The following DOCK7 variants were observed in gnomAD, a reference collection of about 807,000 sequenced individuals.
DOCK7 encodes dedicator of cytokinesis protein 7.
Under a neutral mutation model 271.0 loss-of-function variants are expected in DOCK7, and 138 were observed. The observed-to-expected ratio is 0.51, with a 90% CI of 0.44 to 0.59. The LOEUF (loss-of-function observed/expected upper bound fraction) is 0.59, where lower values mean the gene tolerates loss of function less well. Among genes scored for constraint, DOCK7 ranks in the 20% least tolerant of loss-of-function variants. The pLI is 0.00. For synonymous variants in DOCK7, 823 were observed against 876.1 expected (o/e 0.94, Z 1.07); for missense variants, 2,066 against 2,592.4 (o/e 0.80, Z 4.41).
chr1:62,683,087 A>G (rs1017382374), intron 1 of DOCK7, among the ~76,000 whole-genome samples: 1 of 152,212 alleles, frequency 6.6e-6, no homozygotes, highest in African/African-American at 2.4e-5. Context: ...AAAATTGTTA[A>G]ATAAGAGAAA....
At chr1:62,491,600 A>G (rs1034608873) in intron 41 of DOCK7, among the ~76,000 whole-genome samples, 2 of 152,228 alleles carry the variant, frequency 1.3e-5, no homozygotes, top group Admixed American at 6.5e-5. Context: ...ACTAAAGAGT[A>G]AGGCCCAGGC....
chr1:62,619,574 C>T (rs968560603), intron 13 of DOCK7, among the ~76,000 whole-genome samples: 15 of 152,298 alleles, frequency 9.8e-5, no homozygotes, highest in African/African-American at 3.6e-4. Flanking sequence ...ATAAATGTTA[C>T]ATGAATGTGG....
intron 14 of DOCK7, chr1:62,601,075 T>G (rs1401482736): frequency 1.3e-6 from 2 of 1,515,692 alleles, no homozygotes; most frequent in African/African-American, 2.7e-5. Flanking sequence ...TTATATTCTT[T>G]TATCAGCTCA....
At chr1:62,617,998 G>A (rs1652668751) in intron 14 of DOCK7, among the ~76,000 whole-genome samples, 1 of 151,982 alleles carries the variant, frequency 6.6e-6, no homozygotes, top group Admixed American at 6.6e-5. Flanking sequence ...AATATACTAG[G>A]ATGGGGAAGT....
intron 11 of DOCK7, 116 bp from the exon 12 acceptor site, chr1:62,625,517 A>G: frequency 9.8e-7 from 1 of 1,015,430 alleles, no homozygotes; most frequent in Non-Finnish European, 1.4e-6. Flanking sequence ...TCAGCATATC[A>G]AGTATAGTAG....
chr1:62,647,131 TTTC>T (rs1409875726), intron 7 of DOCK7, among the ~76,000 whole-genome samples: 1 of 152,234 alleles, frequency 6.6e-6, no homozygotes, highest in Non-Finnish European at 1.5e-5. Context: ...TTGAAACTTT[TTTC>T]TTAAGTCAGA....
chr1:62,631,528 T>C, intron 10 of DOCK7, 123 bp from the exon 11 acceptor site: 2 of 810,182 alleles, frequency 2.5e-6, no homozygotes, highest in Non-Finnish European at 3.8e-6. Flanking sequence ...GAGAAAAAAA[T>C]CTGTACCTTA....
At chr1:62,566,124 T>C (rs1646507092) in intron 18 of DOCK7, among the ~76,000 whole-genome samples, 1 of 152,208 alleles carries the variant, frequency 6.6e-6, no homozygotes, top group African/African-American at 2.4e-5. Context: ...ATGGCCATAC[T>C]GCCCAAAGTA....
At chr1:62,617,637 T>G (rs545752557) in intron 14 of DOCK7, among the ~76,000 whole-genome samples, 2 of 152,134 alleles carry the variant, frequency 1.3e-5, no homozygotes, top group Non-Finnish European at 2.9e-5. Flanking sequence ...AATATCTCAA[T>G]AATTCTTAAC....
At chr1:62,546,667 A>T (rs1645718720) in intron 22 of DOCK7, among the ~76,000 whole-genome samples, 1 of 152,138 alleles carries the variant, frequency 6.6e-6, no homozygotes, top group Admixed American at 6.5e-5. Flanking sequence ...TTTCCCATAC[A>T]TATTTTTCTT....
At chr1:62,516,010 C>T (rs1644651761) in intron 31 of DOCK7, among the ~76,000 whole-genome samples, 1 of 151,978 alleles carries the variant, frequency 6.6e-6, no homozygotes, top group African/African-American at 2.4e-5. Context: ...GATGTTGAGA[C>T]AACTGATCTT....
chr1:62,622,934 A>G (rs1653467238), intron 12 of DOCK7, among the ~76,000 whole-genome samples: 1 of 152,004 alleles, frequency 6.6e-6, no homozygotes, highest in Admixed American at 6.6e-5. Context: ...AAAAACAAAA[A>G]CAAAAACAAA....
At chr1:62,615,314 T>C (rs929926988) in intron 14 of DOCK7, among the ~76,000 whole-genome samples, 9 of 151,862 alleles carry the variant, frequency 5.9e-5, no homozygotes, top group Admixed American at 1.3e-4. Context: ...GATACTCTTA[T>C]ACTAGAAAAT....
intron 30 of DOCK7, among the ~76,000 whole-genome samples, chr1:62,528,721 T>C (rs1023062957): frequency 8.5e-5 from 13 of 152,334 alleles, no homozygotes; most frequent in Admixed American, 5.9e-4. Context: ...ATCGGGCTAA[T>C]TGCTGGTTTA....
intron 37 of DOCK7, among the ~76,000 whole-genome samples, chr1:62,499,593 C>A (rs182389226): frequency 1.3e-5 from 2 of 151,916 alleles, no homozygotes; most frequent in East Asian, 3.9e-4. Context: ...AAACTTAGCC[C>A]GGTGTGATAG....
At chr1:62,609,073 T>C (rs1309685268) in intron 14 of DOCK7, 1 of 152,128 alleles carries the variant, frequency 6.6e-6, no homozygotes, top group African/African-American at 2.4e-5. Context: ...AACACAGCAG[T>C]TTTAAAAATG....
At chr1:62,669,342 T>C (rs1401500634) in intron 1 of DOCK7, among the ~76,000 whole-genome samples, 3 of 152,222 alleles carry the variant, frequency 2.0e-5, no homozygotes, top group South Asian at 4.1e-4. Flanking sequence ...ACAGTAGTTA[T>C]GCAACCCATA....
At chr1:62,472,250 G>A (rs1273663730) in intron 48 of DOCK7, among the ~76,000 whole-genome samples, 3 of 152,018 alleles carry the variant, frequency 2.0e-5, no homozygotes, top group African/African-American at 4.8e-5. Flanking sequence ...GATTACATGC[G>A]CCCACCACCA....
chr1:62,650,808 A>G (rs1044226064), intron 4 of DOCK7, among the ~76,000 whole-genome samples: 1 of 152,158 alleles, frequency 6.6e-6, no homozygotes, highest in African/African-American at 2.4e-5. Flanking sequence ...GGTGCTGGAG[A>G]GGATGTGGAG....
Sources: allele counts gnomAD v4.1 joint callset (sites outside exome capture counted in the v4.1 genomes callset), GRCh38; gene constraint gnomAD v4.1.1; transcripts MANE v1.5; gene names NCBI Gene and HGNC (gene_info 2026-07-23, HGNC 2026-07-21).